DIP2C: variants seen among roughly 807,000 people sequenced by gnomAD.
The protein encoded by DIP2C is disco-interacting protein 2 homolog C.
In DIP2C, 33 loss-of-function variants were observed where a neutral mutation model predicts 192.4. The observed-to-expected ratio is 0.17, with a 90% CI of 0.13 to 0.23. DIP2C has a LOEUF of 0.23. DIP2C is among the 10% of genes least tolerant of loss of function. The pLI, the probability that DIP2C is intolerant of heterozygous loss-of-function variation, is 1.00. For synonymous variants in DIP2C, 979 were observed against 864.1 expected (o/e 1.13, Z -2.33); for missense variants, 1,537 against 2,110.1 (o/e 0.73, Z 5.32).
chr10:482,676 A>C (rs2133529708), intron 2 of DIP2C, among the ~76,000 whole-genome samples: 1 of 152,352 alleles, frequency 6.6e-6, no homozygotes, highest in Admixed American at 6.5e-5. Flanking sequence ...TGAGCAAAGA[A>C]GGTTCCACCA....
intron 1 of DIP2C, among the ~76,000 whole-genome samples, chr10:638,736 G>A (rs2131922576): frequency 6.6e-6 from 1 of 152,320 alleles, no homozygotes; most frequent in Non-Finnish European, 1.5e-5. Flanking sequence ...TGCCAGCATT[G>A]GAGCAATCCT....
rs188076557 is a variant in DIP2C, at chr10:459,059, T to C, written c.268+13380A>G. Among the ~76,000 whole-genome samples, 9 of 151,414 alleles carry C rather than the reference T, an allele frequency of 5.9e-5. No homozygotes were observed. In the East Asian group the frequency reaches 1.4e-3, roughly 23 times the overall value. ...TCAAACTCTTTGACCCAAAGAGCAC[T>C]TTAAAGACTGTTGAAAACCTTAAAA... On this transcript the variant is annotated intron_variant, in intron 3 of 36. Transcript: ENST00000280886.
intron 1 of DIP2C, among the ~76,000 whole-genome samples, chr10:488,203 T>C (rs1006054530): frequency 6.6e-6 from 1 of 152,124 alleles, no homozygotes; most frequent in African/African-American, 2.4e-5. Flanking sequence ...GTAACTTCCA[T>C]GCCCCGCATT....
intron 32 of DIP2C, among the ~76,000 whole-genome samples, chr10:304,685 T>C (rs553321782): frequency 1.3e-5 from 1 of 78,494 alleles, no homozygotes; most frequent in East Asian, 3.3e-4. Context: ...AATACTCACA[T>C]AGCCCACACA....
intron 31 of DIP2C, among the ~76,000 whole-genome samples, chr10:318,603 G>A (rs1273555605): frequency 6.6e-6 from 1 of 152,234 alleles, no homozygotes; most frequent in Non-Finnish European, 1.5e-5. Flanking sequence ...AACTGCCAAA[G>A]GAGGTTTCCA....
intron 1 of DIP2C, among the ~76,000 whole-genome samples, chr10:535,973 G>A (rs960731636): frequency 6.6e-6 from 1 of 152,172 alleles, no homozygotes; most frequent in Non-Finnish European, 1.5e-5. Flanking sequence ...GGCACACTTC[G>A]GGTGCAAAGA....
intron 3 of DIP2C, among the ~76,000 whole-genome samples, chr10:462,029 G>A (rs540649522): frequency 1.3e-5 from 2 of 152,170 alleles, no homozygotes; most frequent in East Asian, 3.9e-4. Context: ...CAGATAAAGA[G>A]GTGTGTAGAG....
At chr10:577,576 G>A (rs923238656) in intron 1 of DIP2C, among the ~76,000 whole-genome samples, 1 of 152,184 alleles carries the variant, frequency 6.6e-6, no homozygotes, top group African/African-American at 2.4e-5. Flanking sequence ...AATGCTCAGA[G>A]GAACGCATGA....
intron 1 of DIP2C, among the ~76,000 whole-genome samples, chr10:681,570 C>T (rs1186850863): frequency 2.6e-5 from 4 of 151,558 alleles, no homozygotes; most frequent in South Asian, 2.1e-4. Context: ...CCTATGGCCA[C>T]GGAAATTCCA....
At chr10:659,580 T>C (rs1588706188) in intron 1 of DIP2C, among the ~76,000 whole-genome samples, 2 of 152,180 alleles carry the variant, frequency 1.3e-5, no homozygotes, top group African/African-American at 4.8e-5. Flanking sequence ...CGAATAGAAA[T>C]AGGCACACAT....
intron 1 of DIP2C, among the ~76,000 whole-genome samples, chr10:517,893 G>C (rs1467659970): frequency 6.6e-6 from 1 of 152,158 alleles, no homozygotes; most frequent in Non-Finnish European, 1.5e-5. Flanking sequence ...TGGAAGCCTA[G>C]GATCCTCTTC....
chr10:429,125 A>C (rs1031438387), intron 4 of DIP2C, among the ~76,000 whole-genome samples: 1 of 152,118 alleles, frequency 6.6e-6, no homozygotes. Context: ...ACAAATGTAT[A>C]ACATGTATCC....
At chr10:477,224 G>T (rs1253491529) in intron 2 of DIP2C, among the ~76,000 whole-genome samples, 1 of 131,658 alleles carries the variant, frequency 7.6e-6, no homozygotes, top group African/African-American at 3.0e-5. Context: ...CACACAGGAA[G>T]AATGGAGGAA....
intron 1 of DIP2C, among the ~76,000 whole-genome samples, chr10:552,527 T>C (rs940663720): frequency 1.4e-4 from 22 of 152,366 alleles, no homozygotes; most frequent in African/African-American, 5.3e-4. Flanking sequence ...GTTCAGTCTA[T>C]TTCATTCCTC....
chr10:303,081 A>C (rs1237462972), intron 32 of DIP2C, among the ~76,000 whole-genome samples: 1 of 152,218 alleles, frequency 6.6e-6, no homozygotes, highest in East Asian at 1.9e-4. Context: ...CCGTACTTGT[A>C]AGCTAAGACA....
chr10:317,940 G>A (rs755744309), intron 31 of DIP2C, among the ~76,000 whole-genome samples: 2 of 152,228 alleles, frequency 1.3e-5, no homozygotes, highest in African/African-American at 4.8e-5. Context: ...TATCAGTGAT[G>A]GAACCAGAGA....
intron 29 of DIP2C, among the ~76,000 whole-genome samples, chr10:338,428 T>TG (rs1957977995): frequency 6.6e-6 from 1 of 151,784 alleles, no homozygotes; most frequent in African/African-American, 2.4e-5. Context: ...TACACAGTTT[T>TG]TTTTTTTTTT....
chr10:389,323 C>G (rs1449192179), intron 13 of DIP2C, among the ~76,000 whole-genome samples: 1 of 152,042 alleles, frequency 6.6e-6, no homozygotes, highest in East Asian at 1.9e-4. Flanking sequence ...CTCTGGGGTC[C>G]CCGGGGTCGC....
At chr10:530,113 G>A (rs971634606) in intron 1 of DIP2C, among the ~76,000 whole-genome samples, 2 of 152,340 alleles carry the variant, frequency 1.3e-5, no homozygotes, top group East Asian at 3.9e-4. Context: ...CTGACAGCCC[G>A]GAGCATCCCG....
Sources: allele counts gnomAD v4.1 joint callset (sites outside exome capture counted in the v4.1 genomes callset), GRCh38; gene constraint gnomAD v4.1.1; transcripts MANE v1.5; gene names NCBI Gene and HGNC (gene_info 2026-07-23, HGNC 2026-07-21).